The following TRIM61 variants were observed in gnomAD, a reference collection of about 807,000 sequenced individuals.
TRIM61 encodes the protein putative tripartite motif-containing protein 61.
A neutral mutation model predicts 14.2 loss-of-function variants in TRIM61; 1 was observed. The observed-to-expected ratio is 0.07, with a 90% CI of 0.03 to 0.33. The LOEUF is 0.33. Among genes scored for constraint, TRIM61 ranks in the 10% least tolerant of loss-of-function variants. The pLI, the probability that TRIM61 is intolerant of heterozygous loss-of-function variation, is 0.99. For synonymous variants in TRIM61, 8 were observed against 71.6 expected, an observed-to-expected ratio of 0.11 and a Z score of 4.49; for missense variants, 19 against 202.2, an observed-to-expected ratio of 0.09 and a Z score of 5.49.
chr4:164,955,829 C>T (rs1000256225), intron 3 of TRIM61, among the ~76,000 whole-genome samples: 2 of 151,968 alleles, frequency 1.3e-5, no homozygotes, highest in African/African-American at 4.8e-5. Context: ...CCGATTTAAA[C>T]TAATTTGGCA....
intron 3 of TRIM61, chr4:164,968,825 C>G (rs908360558): frequency 7.1e-6 from 7 of 982,512 alleles, no homozygotes; most frequent in Non-Finnish European, 7.3e-6. Context: ...ATTATTCTGA[C>G]TAGATCGCCA....
chr4:164,968,132 A>T, intron 3 of TRIM61, 149 bp downstream of exon 3: 1 of 983,608 alleles, frequency 1.0e-6, no homozygotes, highest in Non-Finnish European at 1.2e-6. Flanking sequence ...CAGCCTGGGC[A>T]ACGAAAAAAG....
chr4:164,957,033 G>A (rs554834443), intron 3 of TRIM61: 35 of 1,510,240 alleles, frequency 2.3e-5, no homozygotes, highest in Non-Finnish European at 2.8e-5. Flanking sequence ...ATGGAAGGAT[G>A]CGCGGTGCGG....
chr4:164,957,195 C>T, intron 3 of TRIM61: 8 of 1,613,830 alleles, frequency 5.0e-6, no homozygotes, highest in Non-Finnish European at 6.8e-6. Context: ...GGCAGTGTCT[C>T]TTTGCTCAGA....
At chr4:164,957,009 A>T (rs1182301303) in intron 3 of TRIM61, 1 of 1,482,880 alleles carries the variant, frequency 6.7e-7, no homozygotes, top group Non-Finnish European at 9.0e-7. Context: ...GGGCAGCGCC[A>T]TGTACCACAG....
chr4:164,956,570 T>C (rs57190494), intron 3 of TRIM61, among the ~76,000 whole-genome samples: 1 of 152,228 alleles, frequency 6.6e-6, no homozygotes, highest in African/African-American at 2.4e-5. Context: ...AATTTCATTA[T>C]TTATTCCCTA....
intron 3 of TRIM61, chr4:164,969,156 A>C: frequency 8.5e-7 from 1 of 1,171,462 alleles, no homozygotes. Flanking sequence ...AGGCCAGAAT[A>C]TTGTGGAGGC....
chr4:164,959,811 A>T (rs374938382), intron 3 of TRIM61, among the ~76,000 whole-genome samples: 1 of 152,202 alleles, frequency 6.6e-6, no homozygotes, highest in East Asian at 1.9e-4. Flanking sequence ...GGCTCGATTA[A>T]TACAAACACA....
chr4:164,962,221 C>CT lies in TRIM61; in HGVS notation c.526-7126dup, dbSNP rs10712896. Among the ~76,000 whole-genome samples, 821 of 128,884 alleles carry CT rather than the reference C, an allele frequency of 6.4e-3. 11 individuals are homozygous for CT. Among genetic ancestry groups the CT allele is most frequent in the South Asian group, 0.016 (60 of 3,840 alleles). The allele number at this position is 128,884 out of a possible 152,430, so 84.6% of individuals were successfully genotyped here. On this transcript the variant is annotated intron_variant, in intron 3 of 4. Coordinates refer to ENST00000329314, the MANE Select transcript of TRIM61 (RefSeq NM_001012414.3). ...GAAATCAAGGACACAATAGTTACTTCTTTTTTTTTTTTTTTTTTTGAGACA... is the reference window on the plus strand; with the variant it reads ...GAAATCAAGGACACAATAGTTACTTCTTTTTTTTTTTTTTTTTTTTGAGACA...
In TRIM61 at chr4:164,969,087, G is replaced by T. The variant is rs577944627; in HGVS notation, c.525+391C>A. ...CTATCTTCTGAGACTATAAGTTTACGATGTGCTGTTTCAGGATCTAGAATT... is the reference window on the plus strand; with the variant it reads ...CTATCTTCTGAGACTATAAGTTTACTATGTGCTGTTTCAGGATCTAGAATT... On this transcript the variant is annotated intron_variant, in intron 3 of 4. Transcript: ENST00000329314. 4.6e-6 allele frequency: 5 copies of T among 1,089,082 alleles called. No individual in the cohort carries two copies. The African/African-American group carries it at 6.8e-5, about 15-fold the overall frequency. The allele number at this position is 1,089,082 out of a possible 1,614,324, so 67.5% of individuals were successfully genotyped here. A position where few individuals can be genotyped will look rare whatever the true frequency, so the allele number is the denominator to read the frequency against.
intron 2 of TRIM61, among the ~76,000 whole-genome samples, chr4:164,974,141 G>A (rs1221368414): frequency 6.6e-6 from 1 of 152,220 alleles, no homozygotes; most frequent in Non-Finnish European, 1.5e-5. Flanking sequence ...CTGCACTCCA[G>A]CCTGAGCAAC....
intron 3 of TRIM61, among the ~76,000 whole-genome samples, chr4:164,966,932 TA>T (rs774458369): frequency 2.1e-5 from 3 of 144,384 alleles, no homozygotes; most frequent in Non-Finnish European, 3.1e-5. Flanking sequence ...ATGTCAAAAA[TA>T]AAAAAAAAAT....
At position 164,976,059 on chromosome 4, in the gene TRIM61, G is replaced by A. The variant is rs528024389; in HGVS notation, c.-338+629C>T. 3.5e-4 allele frequency among the ~76,000 whole-genome samples: 53 copies of A among 152,254 alleles called. 1 individual carries two copies. Among genetic ancestry groups the A allele is most frequent in the Admixed American group, 1.2e-3 (19 of 15,288 alleles). ...GGAGAGAAACATAAATCTGGCTTAC[G>A]TGCACGTCCAGTCATAGTACTTTCC... On this transcript the variant is annotated intron_variant, in intron 2 of 4. Transcript: ENST00000329314.
intron 3 of TRIM61, chr4:164,969,371 T>C: frequency 6.4e-7 from 1 of 1,571,870 alleles, no homozygotes; most frequent in Non-Finnish European, 8.6e-7. Context: ...TGCTAAAATA[T>C]CCATCTCTTC....
intron 3 of TRIM61, among the ~76,000 whole-genome samples, chr4:164,963,483 G>A (rs966014899): frequency 7.9e-5 from 12 of 152,112 alleles, no homozygotes; most frequent in Admixed American, 7.9e-4. Context: ...GGGCACGGTG[G>A]CTCACGCCTG....
rs1471342076 is a variant in TRIM61, at chr4:164,969,140, T to C, written c.525+338A>G. On this transcript the variant is annotated intron_variant, in intron 3 of 4. Coordinates refer to ENST00000329314, the MANE Select transcript of TRIM61 (RefSeq NM_001012414.3). The stretch of plus-strand genomic sequence containing the variant: ...ATCTACTTGAAATCGCTTGATAATT[T>C]TGTCTAGGCCAGAATATTGTGGAGG... 7 of 1,127,626 alleles carry C rather than the reference T, an allele frequency of 6.2e-6. No individual in the cohort carries two copies. The African/African-American group carries it at 8.3e-5, about 13-fold the overall frequency. The allele number at this position is 1,127,626 out of a possible 1,614,324, so 69.9% of individuals were successfully genotyped here.
chr4:164,962,389 TTGTGTGTGTGTGTG>T (rs147058101), intron 3 of TRIM61, among the ~76,000 whole-genome samples: 1 of 146,406 alleles, frequency 6.8e-6, no homozygotes, highest in Non-Finnish European at 1.5e-5. Context: ...CCTGGCTAAT[TTGTGTGTGTGTGTG>T]TGTGTGTGTG....
intron 3 of TRIM61, among the ~76,000 whole-genome samples, chr4:164,967,824 A>G (rs1732274568): frequency 6.6e-6 from 1 of 151,788 alleles, no homozygotes; most frequent in South Asian, 2.1e-4. Flanking sequence ...AAATAGAAAA[A>G]TAAAAACTTT....
intron 3 of TRIM61, among the ~76,000 whole-genome samples, chr4:164,955,479 A>G (rs1731962967): frequency 6.6e-6 from 1 of 150,410 alleles, no homozygotes; most frequent in African/African-American, 2.4e-5. Context: ...CCAGGCAGGA[A>G]GATTGCTTGA....
Sources: gnomAD v4.1 joint callset for allele counts (sites outside exome capture counted in the v4.1 genomes callset) on GRCh38, gnomAD v4.1.1 for gene constraint, MANE v1.5 for transcripts, NCBI Gene and HGNC (gene_info 2026-07-23, HGNC 2026-07-21) for gene names.